CFAP299: variants seen among roughly 807,000 people sequenced by gnomAD.
CFAP299 encodes the protein cilia- and flagella-associated protein 299.
Under a neutral mutation model 27.0 loss-of-function variants are expected in CFAP299, and 21 were observed. The ratio of observed to expected loss-of-function variants is 0.78; its 90% CI spans 0.55 to 1.12. The LOEUF (loss-of-function observed/expected upper bound fraction) is 1.12, where lower values mean the gene tolerates loss of function less well. CFAP299 is among the 50% of genes most tolerant of loss of function. The pLI, the probability that CFAP299 is intolerant of heterozygous loss-of-function variation, is 0.00. For synonymous variants in CFAP299, 104 were observed against 98.1 expected, an observed-to-expected ratio of 1.06 and a Z score of -0.36; for missense variants, 310 against 276.6, an observed-to-expected ratio of 1.12 and a Z score of -0.86.
At chr4:80,755,550 G>A (rs1725190721) in intron 3 of CFAP299, among the ~76,000 whole-genome samples, 1 of 152,054 alleles carries the variant, frequency 6.6e-6, no homozygotes, top group South Asian at 2.1e-4. Context: ...ACCCTTCAGG[G>A]TAATAAGTGG....
intron 3 of CFAP299, among the ~76,000 whole-genome samples, chr4:80,682,568 A>G (rs559756722): frequency 0.014 from 880 of 64,728 alleles, 6 homozygotes; most frequent in African/African-American, 0.047. Flanking sequence ...TTTTACATGC[A>G]TACCACATTT....
At chr4:80,741,747 G>A (rs1724285267) in intron 3 of CFAP299, among the ~76,000 whole-genome samples, 1 of 152,140 alleles carries the variant, frequency 6.6e-6, no homozygotes, top group South Asian at 2.1e-4. Flanking sequence ...AGCCAGTGTA[G>A]CACAAGGAAT....
intron 2 of CFAP299, among the ~76,000 whole-genome samples, chr4:80,534,296 T>C (rs1225299498): frequency 4.7e-5 from 7 of 148,202 alleles, no homozygotes; most frequent in African/African-American, 1.7e-4. Flanking sequence ...ACAAATGTAA[T>C]GAACAGAACT....
chr4:80,401,925 G>A (rs1726183266), intron 2 of CFAP299, among the ~76,000 whole-genome samples: 1 of 152,164 alleles, frequency 6.6e-6, no homozygotes, highest in Admixed American at 6.5e-5. Flanking sequence ...ATTGTGACCT[G>A]GATGTGAGAG....
intron 3 of CFAP299, among the ~76,000 whole-genome samples, chr4:80,679,339 GT>G (rs1323449261): frequency 6.6e-6 from 1 of 151,738 alleles, no homozygotes; most frequent in Admixed American, 6.6e-5. Flanking sequence ...TTGTTACCAG[GT>G]TTTGTTTTGT....
At chr4:80,685,471 A>G (rs1720123354) in intron 3 of CFAP299, among the ~76,000 whole-genome samples, 1 of 152,126 alleles carries the variant, frequency 6.6e-6, no homozygotes, top group Admixed American at 6.6e-5. Context: ...AAGGGAAGAC[A>G]TAATGCTGTT....
At chr4:80,771,070 G>A (rs369872809) in intron 3 of CFAP299, among the ~76,000 whole-genome samples, 1 of 152,204 alleles carries the variant, frequency 6.6e-6, no homozygotes, top group South Asian at 2.1e-4. Flanking sequence ...CACTCAAGGG[G>A]AGGGTTATCC....
At chr4:80,399,784 A>G (rs1726038598) in intron 2 of CFAP299, among the ~76,000 whole-genome samples, 1 of 152,202 alleles carries the variant, frequency 6.6e-6, no homozygotes, top group Non-Finnish European at 1.5e-5. Context: ...ACATATGTAT[A>G]CATATGTAAC....
intron 4 of CFAP299, among the ~76,000 whole-genome samples, chr4:80,891,152 T>C (rs1251145583): frequency 6.7e-6 from 1 of 149,324 alleles, no homozygotes; most frequent in Non-Finnish European, 1.5e-5. Flanking sequence ...ATGTCCTGAA[T>C]GGTAATGCCT....
chr4:80,788,226 T>C (rs1285101934), intron 3 of CFAP299, among the ~76,000 whole-genome samples: 1 of 152,068 alleles, frequency 6.6e-6, no homozygotes, highest in Non-Finnish European at 1.5e-5. Context: ...GCAAAGAATC[T>C]GGTCTTACCT....
intron 3 of CFAP299, among the ~76,000 whole-genome samples, chr4:80,693,116 A>G (rs1316153909): frequency 6.6e-6 from 1 of 152,260 alleles, no homozygotes; most frequent in Admixed American, 6.5e-5. Context: ...AACTAGTTCA[A>G]CCACTGTGGA....
intron 2 of CFAP299, among the ~76,000 whole-genome samples, chr4:80,479,086 CTATT>C (rs1730428657): frequency 6.6e-6 from 1 of 151,874 alleles, no homozygotes; most frequent in Admixed American, 6.6e-5. Flanking sequence ...GGGCTTTGGT[CTATT>C]TATTCTAGCA....
chr4:80,960,137 G>A (rs1400659257), intron 5 of CFAP299, among the ~76,000 whole-genome samples: 1 of 150,968 alleles, frequency 6.6e-6, no homozygotes, highest in Non-Finnish European at 1.5e-5. Context: ...CTTTCATTTA[G>A]TAGGCAAATA....
At chr4:80,597,111 C>T (rs1737096313) in intron 3 of CFAP299, among the ~76,000 whole-genome samples, 1 of 151,930 alleles carries the variant, frequency 6.6e-6, no homozygotes, top group African/African-American at 2.4e-5. Flanking sequence ...GGTCATAGGA[C>T]CTATGTATGT....
chr4:80,513,772 C>G (rs561213493), intron 2 of CFAP299, among the ~76,000 whole-genome samples: 1 of 151,882 alleles, frequency 6.6e-6, no homozygotes, highest in African/African-American at 2.4e-5. Flanking sequence ...TCCAATCATC[C>G]CAACTACCTT....
intron 2 of CFAP299, among the ~76,000 whole-genome samples, chr4:80,551,583 T>C (rs771225673): frequency 6.6e-6 from 1 of 152,126 alleles, no homozygotes; most frequent in Non-Finnish European, 1.5e-5. Flanking sequence ...TAGTAAGATA[T>C]ATAATAGTAC....
chr4:80,943,780 T>C (rs1448713354), intron 4 of CFAP299, among the ~76,000 whole-genome samples: 2 of 151,990 alleles, frequency 1.3e-5, no homozygotes, highest in Admixed American at 6.6e-5. Context: ...AATATAAAAA[T>C]AAAATGGGCT....
chr4:80,862,168 G>C (rs1483306191), intron 3 of CFAP299, among the ~76,000 whole-genome samples: 1 of 152,030 alleles, frequency 6.6e-6, no homozygotes, highest in Non-Finnish European at 1.5e-5. Context: ...TCAGGAGTTC[G>C]AGACCAGCCT....
In CFAP299 at chr4:80,637,585, T is replaced by C. The variant is rs936488316; in HGVS notation, c.333+54402T>C. 2.8e-4 allele frequency among the ~76,000 whole-genome samples: 42 copies of C among 152,128 alleles called. 1 individual carries two copies. Among genetic ancestry groups the C allele is most frequent in the Admixed American group, 6.6e-5 (1 of 15,256 alleles). On this transcript the variant is annotated intron_variant, in intron 3 of 5. Transcript: ENST00000358105. ...AATTCCCAGCACTATAGCATTTCAT[T>C]TTATGTAAGGCTCTCCACCAGCCAA...
Sources: gnomAD v4.1 joint callset for allele counts (sites outside exome capture counted in the v4.1 genomes callset) on GRCh38, gnomAD v4.1.1 for gene constraint, MANE v1.5 for transcripts, NCBI Gene and HGNC (gene_info 2026-07-23, HGNC 2026-07-21) for gene names.